GPR143: variants seen among roughly 807,000 people sequenced by gnomAD.
GPR143 encodes the protein G-protein coupled receptor 143.
In GPR143, 8 loss-of-function variants were observed where a neutral mutation model predicts 27.6. That is an observed-to-expected ratio of 0.29 (90% CI 0.17 to 0.52). The LOEUF (loss-of-function observed/expected upper bound fraction) is 0.52, where lower values mean the gene tolerates loss of function less well. Ranked by LOEUF, GPR143 falls within the 20% of genes least tolerant of loss-of-function variation. The pLI, the probability that GPR143 is intolerant of heterozygous loss-of-function variation, is 0.96. For synonymous variants in GPR143, 156 were observed against 153.2 expected (o/e 1.02, Z -0.13); for missense variants, 303 against 343.1 (o/e 0.88, Z 0.92).
intron 8 of GPR143, among the ~76,000 whole-genome samples, chrX:9,736,412 A>C (rs929693936): frequency 3.6e-5 from 4 of 111,475 alleles, no homozygotes; most frequent in African/African-American, 1.3e-4. Context: ...GGGTGACTAG[A>C]TGTAAACTTA....
chrX:9,725,989 A>C (rs2083324792), intron 8 of GPR143, 149 bp from the exon 9 acceptor site: 1 of 1,045,623 alleles, frequency 9.6e-7, no homozygotes, highest in Non-Finnish European at 1.2e-6. Context: ...GCAAAAAAAA[A>C]AAAAAAAAAA....
Position 9,748,663 on chromosome X carries a change from G to A in GPR143, c.459C>T (p.Thr153=), listed in dbSNP as rs755076405. The change falls in exon 4 of 9, where the codon ACC becomes ACT. Residue 153 remains threonine (T), a synonymous_variant. Coordinates refer to ENST00000467482, the MANE Select transcript of GPR143 (RefSeq NM_000273.3). ...ACGCCATGATGTGATACAGCAGGATGGTGCTAGGGGACAAGCACAACAGCA... is the reference window on the plus strand; with the variant it reads ...ACGCCATGATGTGATACAGCAGGATAGTGCTAGGGGACAAGCACAACAGCA... ...LVIRRSAGLS[T]ILLYHIMAWG... 12 of 1,185,709 alleles carry A rather than the reference G, an allele frequency of 1.0e-5. No individual in the cohort carries two copies. The Admixed American group carries it at 1.7e-4, about 17-fold the overall frequency.
At chrX:9,749,374 A>G (rs1294412178) in intron 3 of GPR143, among the ~76,000 whole-genome samples, 1 of 110,621 alleles carries the variant, frequency 9.0e-6, no homozygotes, top group Non-Finnish European at 1.9e-5. Flanking sequence ...TCTTTCCTTT[A>G]TCAATTAGTC....
chrX:9,742,452 G>T (rs181319031), intron 6 of GPR143, among the ~76,000 whole-genome samples: 5 of 110,608 alleles, frequency 4.5e-5, no homozygotes, highest in Non-Finnish European at 9.5e-5. Context: ...TTGTTGTATC[G>T]CCCAGGATGG....
chrX:9,743,515 T>C (rs749957227), intron 6 of GPR143, 50 bp downstream of exon 6: 6 of 699,162 alleles, frequency 8.6e-6, no homozygotes, highest in Non-Finnish European at 1.2e-5. Context: ...GTTGTTTCCA[T>C]AGCCCTTCCC....
chrX:9,767,168 C>T (rs1289779907), upstream of GPR143, among the ~76,000 whole-genome samples: 1 of 101,379 alleles, frequency 9.9e-6, no homozygotes, highest in Non-Finnish European at 2.0e-5. Context: ...AGTAAGCATA[C>T]TAAGATTTTT....
intron 3 of GPR143, among the ~76,000 whole-genome samples, chrX:9,756,856 G>C (rs759581790): frequency 4.5e-5 from 5 of 112,261 alleles, no homozygotes; most frequent in Non-Finnish European, 9.4e-5. Flanking sequence ...TTACCACATG[G>C]CTCAGCAATT....
intron 1 of GPR143, among the ~76,000 whole-genome samples, chrX:9,777,791 TA>T (rs35241287): frequency 1.4e-3 from 132 of 95,474 alleles, no homozygotes; most frequent in African/African-American, 3.1e-3. Flanking sequence ...TCCATCTCTT[TA>T]AAAAAAAAAA....
intron 1 of GPR143, among the ~76,000 whole-genome samples, chrX:9,776,549 C>CTTTT (rs145411367): frequency 1.7e-4 from 12 of 71,593 alleles, no homozygotes; most frequent in African/African-American, 2.2e-4. Context: ...CCATGCCTAG[C>CTTTT]TTTTTTTTTT....
At chrX:9,750,099 T>C (rs1369743618) in intron 3 of GPR143, among the ~76,000 whole-genome samples, 1 of 111,978 alleles carries the variant, frequency 8.9e-6, no homozygotes, top group African/African-American at 3.2e-5. Flanking sequence ...TACCATTCCA[T>C]TGTATACATG....
At position 9,725,610 on chromosome X, in the gene GPR143, T is replaced by C; in HGVS notation, c.*136A>G. 2.0e-6 allele frequency: 1 copy of C among 506,485 alleles called. No homozygotes were observed. The highest frequency in any genetic ancestry group is 2.8e-5 in the South Asian group (1 of 35,250). 41.7% of individuals were successfully genotyped at this position (506,485 alleles called of 1,213,427 possible). A position where few individuals can be genotyped will look rare whatever the true frequency, so the allele number is the denominator to read the frequency against. Reference sequence around the variant, plus strand: ...CTAAAGGCCCTTCGGGAAGAAGCTCTAGCTGGTGATGAGAGCAAGGTTTGG... The same window carrying C: ...CTAAAGGCCCTTCGGGAAGAAGCTCCAGCTGGTGATGAGAGCAAGGTTTGG... On this transcript the variant is annotated 3_prime_UTR_variant, in exon 9 of 9. Transcript: ENST00000467482.
At position 9,739,672 on chromosome X, in the gene GPR143, G is replaced by A. The variant is rs763168997; in HGVS notation, c.933C>T (p.Tyr311=). The A allele has an allele frequency of 3.4e-5, 41 of 1,191,221 alleles. 1 individual carries two copies. The South Asian group carries it at 3.7e-4, about 11-fold the overall frequency. ...AQGFLLSLAF[Y]GWTGCSLGFQ... is the part of the protein sequence containing the mutation. ...AACCCAGGCTGCATCCTGTCCAGCC[G>A]TAGAAGGCCAAAGACAAGAGAAATC... Residue 311 remains tyrosine (Y), a synonymous_variant, in exon 8 of 9, where the codon TAC becomes TAT. Coordinates refer to ENST00000467482, the MANE Select transcript of GPR143 (RefSeq NM_000273.3).
chrX:9,770,328 AGAGAGAGAGAG>A (rs2083550203), upstream of GPR143, among the ~76,000 whole-genome samples: 2 of 25,968 alleles, frequency 7.7e-5, no homozygotes, highest in Non-Finnish European at 2.2e-4. Flanking sequence ...AGAAAAAGAG[AGAGAGAGAGAG>A]AGAGAGAGAG....
At position 9,771,706 on chromosome X, in the gene GPR143, TC is replaced by T. The variant is rs1187416085; in HGVS notation, c.-2-10881del. ...CATCCAACTAAGCCATGGAGCATTCTCTCTCTTTTTTTTTTTTTTTTGGATG... is the reference window on the plus strand; with the variant it reads ...CATCCAACTAAGCCATGGAGCATTCTTCTCTTTTTTTTTTTTTTTTGGATG... On this transcript the variant is annotated intron_variant, in intron 1 of 7. Transcript: ENST00000447366. Among the ~76,000 whole-genome samples, 28 of 33,696 alleles carry T rather than the reference TC, an allele frequency of 8.3e-4. No homozygotes were observed. The South Asian group carries it at 8.5e-3, about 10-fold the overall frequency. The allele number at this position is 33,696 out of a possible 115,157, so 29.3% of individuals were successfully genotyped here.
At chrX:9,737,925 A>T (rs184068851) in intron 8 of GPR143, among the ~76,000 whole-genome samples, 3 of 111,619 alleles carry the variant, frequency 2.7e-5, no homozygotes. Context: ...GCTTGAGCCC[A>T]GAAGGTGGAG....
intron 6 of GPR143, among the ~76,000 whole-genome samples, chrX:9,742,083 GAGC>G (rs1390180425): frequency 8.9e-6 from 1 of 112,183 alleles, no homozygotes; most frequent in Non-Finnish European, 1.9e-5. Context: ...TTTGTTTGAA[GAGC>G]AACGTACAGT....
chrX:9,753,526 G>T (rs1213469006), intron 3 of GPR143, among the ~76,000 whole-genome samples: 1 of 110,691 alleles, frequency 9.0e-6, no homozygotes, highest in Admixed American at 9.6e-5. Context: ...AGGAGGAGCT[G>T]TGCTTGGGCT....
upstream of GPR143, among the ~76,000 whole-genome samples, chrX:9,766,899 T>C (rs1162930367): frequency 1.5e-5 from 1 of 67,111 alleles, no homozygotes; most frequent in Non-Finnish European, 2.7e-5. Flanking sequence ...CCTATCTCTC[T>C]CTCTCACACA....
intron 8 of GPR143, 177 bp from the exon 9 acceptor site, chrX:9,726,017 T>A: frequency 1.7e-6 from 1 of 602,860 alleles, no homozygotes; most frequent in Non-Finnish European, 1.9e-6. Context: ...GTGGGAGGGG[T>A]GGAAATCTAC....
Sources: allele counts gnomAD v4.1 joint callset (sites outside exome capture counted in the v4.1 genomes callset), GRCh38; gene constraint gnomAD v4.1.1; transcripts MANE v1.5; gene names NCBI Gene and HGNC (gene_info 2026-07-23, HGNC 2026-07-21).